The following DSP variants were observed in gnomAD, a reference collection of about 807,000 sequenced individuals.
The protein encoded by DSP is desmoplakin.
In DSP, 114 loss-of-function variants were observed where a neutral mutation model predicts 290.6. That is an observed-to-expected ratio of 0.39 (90% CI 0.34 to 0.46). The LOEUF is 0.46. DSP is among the 20% of genes least tolerant of loss of function. The pLI, the probability that DSP is intolerant of heterozygous loss-of-function variation, is 0.99. For missense variants in DSP, 3,230 were observed against 3,495.8 expected (o/e 0.92, Z 1.92); for synonymous variants, 1,311 against 1,316.4 (o/e 1.00, Z 0.09).
chr6:7,584,911 G>C lies in DSP; in HGVS notation c.7649G>C (p.Gly2550Ala). 1 of 1,614,182 alleles carries C rather than the reference G, an allele frequency of 6.2e-7. No individual in the cohort carries two copies. Among genetic ancestry groups the C allele is most frequent in the East Asian group, 2.2e-5 (1 of 44,886 alleles). The change falls in exon 24 of 24, where the codon GGC becomes GCC. Residue 2550 changes from glycine (G) to alanine (A), a missense_variant. Coordinates refer to ENST00000379802, the MANE Select transcript of DSP (RefSeq NM_004415.4). This position sits in a 1 kb window ranked among gnomAD's most constrained non-coding sequence, Gnocchi z 6.4. ...AAGTTCTTTGATCAGTACCGATCCG[G>C]CAGCCTCAGCCTCACTCAATTTGCT... ...DRKFFDQYRS[G>A]SLSLTQFADM...
rs542869053 is a variant in DSP, at chr6:7,545,677, G to A, written c.170+3592G>A. Among the ~76,000 whole-genome samples, 25 of 152,290 alleles carry A rather than the reference G, an allele frequency of 1.6e-4. No homozygotes were observed. In the South Asian group the frequency reaches 5.0e-3, roughly 30 times the overall value. On this transcript the variant is annotated intron_variant, in intron 1 of 23. Coordinates refer to ENST00000379802, the MANE Select transcript of DSP (RefSeq NM_004415.4). ...TACACGAAGACTAGCACGCAAAAGC[G>A]GAATGCACAGGAGGGGTGTACGTGA... is the stretch of plus-strand genomic sequence containing the variant.
chr6:7,585,196 T>C lies in DSP; in HGVS notation c.7934T>C (p.Ile2645Thr), dbSNP rs749682166. The C allele has an allele frequency of 3.1e-6, 5 of 1,614,142 alleles. No individual in the cohort carries two copies. Among genetic ancestry groups the C allele is most frequent in the Non-Finnish European group, 4.2e-6 (5 of 1,180,026 alleles). The change falls in exon 24 of 24, where the codon ATC becomes ACC. Residue 2645 changes from isoleucine (I) to threonine (T), a missense_variant. By Grantham distance (89) the Ile-to-Thr change is moderately conservative (BLOSUM62 -1). Transcript: ENST00000379802. ...ATAGAGCGGGGCATCGTTGACAGCA[T>C]CACGGGTCAGAGGCTTCTGGAGGCT... is the stretch of plus-strand genomic sequence containing the variant. ...EGIERGIVDS[I>T]TGQRLLEAQA...
chr6:7,547,538 C>T (rs1353569294), intron 1 of DSP, among the ~76,000 whole-genome samples: 3 of 152,114 alleles, frequency 2.0e-5, no homozygotes, highest in African/African-American at 7.2e-5. Flanking sequence ...AGTGACTCTC[C>T]CACCTCAGCC....
chr6:7,565,445 C>T lies in DSP; in HGVS notation c.864C>T (p.Asp288=). 6.2e-7 allele frequency: 1 copy of T among 1,614,142 alleles called. No homozygotes were observed. The highest frequency in any genetic ancestry group is 8.5e-7 in the Non-Finnish European group (1 of 1,180,008). Reference sequence around the variant, plus strand: ...CCAGGGAGATCATGTGGATCAATGACTGCGAGGAGGAGGAGCTGCTGTACG... The same window carrying T: ...CCAGGGAGATCATGTGGATCAATGATTGCGAGGAGGAGGAGCTGCTGTACG... The part of the protein sequence containing the change: ...ATSREIMWIN[D]CEEEELLYDW... The change falls in exon 7 of 24, where the codon GAC becomes GAT. Residue 288 remains aspartate, a synonymous_variant. Coordinates refer to ENST00000379802, the MANE Select transcript of DSP (RefSeq NM_004415.4). This position sits in a 1 kb window ranked among gnomAD's most constrained non-coding sequence, Gnocchi z 4.2.
rs794728104 is a variant in DSP, at chr6:7,583,041, C to G, written c.5779C>G (p.Gln1927Glu). The G allele has an allele frequency of 1.2e-5, 19 of 1,613,898 alleles. No individual in the cohort carries two copies. The highest frequency in any genetic ancestry group is 1.7e-5 in the Admixed American group (1 of 59,994). ...GGATTCTACCAGGGAGACACAGTCA[C>G]AGTTAGAAACAGAACGCTCCCGATA... ...LEDSTRETQS[Q>E]LETERSRYQR... is the part of the protein sequence containing the mutation. Residue 1927 changes from glutamine (Q) to glutamate (E), a missense_variant, in exon 24 of 24, where the codon CAG (glutamine) becomes GAG (glutamate). Gln to Glu is a conservative substitution (Grantham distance 29). Coordinates refer to ENST00000379802, the MANE Select transcript of DSP (RefSeq NM_004415.4). The surrounding 1 kb of genome is among the most constrained non-coding windows in gnomAD (Gnocchi z 4.0).
At chr6:7,576,477 C>G (rs1411209586) in intron 19 of DSP, 21 bp downstream of exon 19, 1 of 1,613,694 alleles carries the variant, frequency 6.2e-7, no homozygotes, top group Non-Finnish European at 8.5e-7. Flanking sequence ...ACTTTTTGTT[C>G]CATAGCTGTT....
At chr6:7,573,464 G>C (rs540290666) in intron 15 of DSP, among the ~76,000 whole-genome samples, 1 of 152,036 alleles carries the variant, frequency 6.6e-6, no homozygotes, top group African/African-American at 2.4e-5. Context: ...TGTAATCTCA[G>C]CTACTCAGGA....
Position 7,584,532 on chromosome 6 carries a change from C to T in DSP, c.7270C>T (p.Leu2424Phe). 6.2e-7 allele frequency: 1 copy of T among 1,614,092 alleles called. No homozygotes were observed. The highest frequency in any genetic ancestry group is 1.3e-5 in the African/African-American group (1 of 75,014). ...TTTTGACCCCAACACTGAAGAAAAT[C>T]TTACCTATCTGCAACTAAAAGAAAG... ...GFFDPNTEEN[L>F]TYLQLKERCI... Residue 2424 changes from leucine (L) to phenylalanine (F), a missense_variant, in exon 24 of 24, where the codon CTT (leucine) becomes TTT (phenylalanine). Coordinates refer to ENST00000379802, the MANE Select transcript of DSP (RefSeq NM_004415.4). The surrounding 1 kb of genome is among the most constrained non-coding windows in gnomAD (Gnocchi z 6.4).
chr6:7,542,637 G>A (rs980972310), intron 1 of DSP, among the ~76,000 whole-genome samples: 8 of 152,136 alleles, frequency 5.3e-5, no homozygotes, highest in Admixed American at 4.6e-4. Context: ...TTTGTATCAA[G>A]GCTGCGCGTC....
At chr6:7,574,347 T>C (rs774916454) in intron 16 of DSP, 95 bp downstream of exon 16, 12 of 1,303,020 alleles carry the variant, frequency 9.2e-6, no homozygotes, top group East Asian at 2.3e-5. Flanking sequence ...ACAGTTTCTC[T>C]GTTACTAGAG....
rs1268321517 is a variant in DSP at position 7,565,349 on chromosome 6, TC to T, written c.778-8del. Reference sequence around the variant, plus strand: ...GTTATTTTAATGCTGCCTTTGAACCTCCTGTGCAGAAAGCGTCCTTTGAGAG... The same window carrying T: ...GTTATTTTAATGCTGCCTTTGAACCTCTGTGCAGAAAGCGTCCTTTGAGAG... On this transcript the variant is annotated splice_polypyrimidine_tract_variant and intron_variant, in intron 6 of 23. Transcript: ENST00000379802. This position sits in a 1 kb window ranked among gnomAD's most constrained non-coding sequence, Gnocchi z 4.2. The T allele has an allele frequency of 6.2e-7, 1 of 1,613,924 alleles. No homozygotes were observed. Among genetic ancestry groups the T allele is most frequent in the East Asian group, 2.2e-5 (1 of 44,870 alleles).
At position 7,584,511 on chromosome 6, in the gene DSP, G is replaced by A. The variant is rs760501352; in HGVS notation, c.7249G>A (p.Asp2417Asn). The change falls in exon 24 of 24, where the codon GAC becomes AAC. Residue 2417 changes from aspartate (D) to asparagine (N), a missense_variant. By Grantham distance (23) the Asp-to-Asn change is conservative. Around this residue, in one of 5 missense-constraint regions of DSP, gnomAD observed 207 missense variants for 281.2 expected, o/e 0.74. Coordinates refer to ENST00000379802, the MANE Select transcript of DSP (RefSeq NM_004415.4). The surrounding 1 kb of genome is among the most constrained non-coding windows in gnomAD (Gnocchi z 6.4). The stretch of plus-strand genomic sequence containing the variant: ...AAGTGATGATACCAAAGGATTTTTT[G>A]ACCCCAACACTGAAGAAAATCTTAC... ...DPSDDTKGFF[D>N]PNTEENLTYL... is the part of the protein sequence containing the mutation. The A allele has an allele frequency of 6.2e-7, 1 of 1,614,062 alleles. No individual in the cohort carries two copies. The highest frequency in any genetic ancestry group is 8.5e-7 in the Non-Finnish European group (1 of 1,180,010).
rs1372174313 is a variant in DSP, at chr6:7,585,893, T to C, written c.*15T>C. 6.2e-7 allele frequency: 1 copy of C among 1,610,536 alleles called. No individual in the cohort carries two copies. Among genetic ancestry groups the C allele is most frequent in the Admixed American group, 1.7e-5 (1 of 60,008 alleles). ...TTGGGCACTAGTAGTCAGTTGGGAG[T>C]GGTTGCTATACCTTGACTTCATTTA... On this transcript the variant is annotated 3_prime_UTR_variant, in exon 24 of 24. Coordinates refer to ENST00000379802, the MANE Select transcript of DSP (RefSeq NM_004415.4).
chr6:7,573,588 A>G (rs1759127381), intron 15 of DSP, among the ~76,000 whole-genome samples: 2 of 152,212 alleles, frequency 1.3e-5, no homozygotes, highest in South Asian at 2.1e-4. Flanking sequence ...AAAAAAAAAA[A>G]AAAGAAAGAA....
rs755065860 is a variant in DSP, at chr6:7,565,534, A to G, written c.939+14A>G. ...GAGGCCTTCTCCGTAAGTTCACCCC[A>G]CGCGGCTGTAGATGCTTGTCTTGAG... On this transcript the variant is annotated intron_variant, in intron 7 of 23. Transcript: ENST00000379802. This position sits in a 1 kb window ranked among gnomAD's most constrained non-coding sequence, Gnocchi z 4.2. The G allele has an allele frequency of 6.2e-7, 1 of 1,613,670 alleles. No individual in the cohort carries two copies. The highest frequency in any genetic ancestry group is 1.7e-5 in the Admixed American group (1 of 59,994).
chr6:7,559,427 C>T, intron 4 of DSP, 27 bp downstream of exon 4: 1 of 1,611,884 alleles, frequency 6.2e-7, no homozygotes, highest in Non-Finnish European at 8.5e-7. Context: ...ACAGCCCAAA[C>T]CTGTGCAGGC....
In DSP at chr6:7,585,002, T is replaced by C. The variant is rs748315162; in HGVS notation, c.7740T>C (p.Asp2580=). The C allele has an allele frequency of 1.2e-6, 2 of 1,614,196 alleles. No individual in the cohort carries two copies. Residue 2580 remains aspartate, a synonymous_variant, in exon 24 of 24, where the codon GAT becomes GAC. Transcript: ENST00000379802. ...GCATGGGCAGTGGTGTCAGCGATGATGTTTTTAGCAGCTCCCGACATGAAT... is the reference window on the plus strand; with the variant it reads ...GCATGGGCAGTGGTGTCAGCGATGACGTTTTTAGCAGCTCCCGACATGAAT... ...SSSMGSGVSD[D]VFSSSRHESV...
At chr6:7,572,130 TA>T (rs759997969) in intron 15 of DSP, 62 bp downstream of exon 15, 28 of 1,407,970 alleles carry the variant, frequency 2.0e-5, no homozygotes, top group Admixed American at 1.1e-4. Context: ...TGTAAATGAA[TA>T]AAAAAAATCC....
Position 7,580,704 on chromosome 6 carries a change from C to A in DSP, c.4514C>A (p.Ala1505Glu). 1 of 1,613,946 alleles carries A rather than the reference C, an allele frequency of 6.2e-7. No individual in the cohort carries two copies. Among genetic ancestry groups the A allele is most frequent in the Non-Finnish European group, 8.5e-7 (1 of 1,180,018 alleles). ...CGGAAATGCCTGGAAGATGAAAACG[C>A]GAGATTACAAAGGGTCCAGTATGAC... ...NDRKCLEDEN[A>E]RLQRVQYDLQ... Residue 1505 changes from alanine (A) to glutamate (E), a missense_variant, in exon 23 of 24, where the codon GCG becomes GAG. By Grantham distance (107) the Ala-to-Glu change is moderately radical. Coordinates refer to ENST00000379802, the MANE Select transcript of DSP (RefSeq NM_004415.4). This position sits in a 1 kb window ranked among gnomAD's most constrained non-coding sequence, Gnocchi z 4.2.
Sources: gnomAD v4.1 joint callset for allele counts (sites outside exome capture counted in the v4.1 genomes callset) on GRCh38, gnomAD v4.1.1 for gene constraint, gnomAD v4.1.1 regional missense constraint, Gnocchi (gnomAD v3.1) non-coding constraint, MANE v1.5 for transcripts, NCBI Gene and HGNC (gene_info 2026-07-23, HGNC 2026-07-21) for gene names.